Variants in FRMD6 observed in about 807,000 individuals in gnomAD.
FRMD6 encodes the protein FERM domain-containing protein 6.
In FRMD6, 37 loss-of-function variants were observed where a neutral mutation model predicts 73.2. That is an observed-to-expected ratio of 0.51 (90% CI 0.39 to 0.66). The LOEUF (loss-of-function observed/expected upper bound fraction) is 0.66, where lower values mean the gene tolerates loss of function less well. Ranked by LOEUF, FRMD6 falls within the 30% of genes least tolerant of loss-of-function variation. The probability of loss-of-function intolerance (pLI) is 0.00; values close to 1 mark genes in which losing one functional copy is unlikely to be tolerated. For missense variants in FRMD6, 714 were observed against 780.5 expected (o/e 0.91, Z 1.02); for synonymous variants, 273 against 282.2 (o/e 0.97, Z 0.33).
chr14:51,481,580 T>C, the FRMD6 span, among the ~76,000 whole-genome samples: 117 of 152,342 alleles, frequency 7.7e-4, 1 homozygote, highest in South Asian at 0.023. Context: ...TTTGCAAAAG[T>C]ATACGGTGTA....
chr14:51,507,154 C>T (rs1408394185), intron 1 of FRMD6, among the ~76,000 whole-genome samples: 1 of 148,464 alleles, frequency 6.7e-6, no homozygotes, highest in Admixed American at 6.8e-5. Flanking sequence ...AAGGCTATTT[C>T]CACTAGGAGA....
intron 1 of FRMD6, among the ~76,000 whole-genome samples, chr14:51,509,227 A>G (rs1230860077): frequency 6.6e-6 from 1 of 152,212 alleles, no homozygotes; most frequent in Non-Finnish European, 1.5e-5. Flanking sequence ...CAAATCCTAA[A>G]TGAAAACGAG....
At chr14:51,514,769 A>G (rs1423737264) in intron 1 of FRMD6, among the ~76,000 whole-genome samples, 1 of 152,088 alleles carries the variant, frequency 6.6e-6, no homozygotes, top group Non-Finnish European at 1.5e-5. Context: ...AATTGTTTGA[A>G]CCCAGCAGGT....
At chr14:51,576,310 A>G (rs1412276102) in intron 2 of FRMD6, 1 of 152,242 alleles carries the variant, frequency 6.6e-6, no homozygotes, top group Non-Finnish European at 1.5e-5. Context: ...AGGGAATTGA[A>G]GTGGAAAGCA....
chr14:51,412,784 G>A, the FRMD6 span, among the ~76,000 whole-genome samples: 1 of 151,784 alleles, frequency 6.6e-6, no homozygotes, highest in Non-Finnish European at 1.5e-5. Context: ...CCGGGGAGGC[G>A]CAGTTTGCAG....
intron 13 of FRMD6, among the ~76,000 whole-genome samples, chr14:51,726,815 G>A (rs1360721255): frequency 6.6e-6 from 1 of 152,082 alleles, no homozygotes; most frequent in Non-Finnish European, 1.5e-5. Flanking sequence ...GGGATCACTC[G>A]GATGTGACAC....
At chr14:51,719,606 T>G (rs2140613748) in intron 10 of FRMD6, among the ~76,000 whole-genome samples, 1 of 152,364 alleles carries the variant, frequency 6.6e-6, no homozygotes, top group East Asian at 1.9e-4. Flanking sequence ...CTTCTGAAAT[T>G]ATCTGCAGAA....
At chr14:51,660,613 G>GAAAAA (rs10605746) in intron 1 of FRMD6, among the ~76,000 whole-genome samples, 1 of 139,568 alleles carries the variant, frequency 7.2e-6, no homozygotes. Flanking sequence ...TAAAATAAAG[G>GAAAAA]AAAAAAAAAA....
chr14:51,623,416 T>C (rs1891003826), intron 2 of FRMD6, among the ~76,000 whole-genome samples: 2 of 152,220 alleles, frequency 1.3e-5, no homozygotes, highest in Non-Finnish European at 2.9e-5. Context: ...GATTAGATTA[T>C]GAAACCTAGA....
At chr14:51,665,166 A>G (rs1223643014) in intron 1 of FRMD6, among the ~76,000 whole-genome samples, 1 of 152,204 alleles carries the variant, frequency 6.6e-6, no homozygotes, top group East Asian at 1.9e-4. Flanking sequence ...CATTAAAAAA[A>G]TTGCATTTTA....
chr14:51,543,331 T>C (rs1886297869), intron 1 of FRMD6, among the ~76,000 whole-genome samples: 1 of 152,056 alleles, frequency 6.6e-6, no homozygotes, highest in South Asian at 2.1e-4. Flanking sequence ...AAAGATACTT[T>C]TTATTAGCAT....
intron 6 of FRMD6, among the ~76,000 whole-genome samples, chr14:51,705,815 A>ACTTTTG (rs1262543002): frequency 9.9e-5 from 15 of 152,152 alleles, no homozygotes; most frequent in Admixed American, 9.2e-4. Context: ...AATATGCACT[A>ACTTTTG]CTTTTGCTTT....
chr14:51,428,004 G>T, the FRMD6 span, among the ~76,000 whole-genome samples: 1 of 152,116 alleles, frequency 6.6e-6, no homozygotes. Context: ...ACTTTTTGTG[G>T]CACGGGAATC....
chr14:51,494,611 TC>T (rs1883191550), intron 1 of FRMD6, among the ~76,000 whole-genome samples: 2 of 152,330 alleles, frequency 1.3e-5, no homozygotes, highest in South Asian at 2.1e-4. Context: ...TGCTTGTGGT[TC>T]TTTGGGGCTG....
the FRMD6 span, among the ~76,000 whole-genome samples, chr14:51,401,802 A>G: frequency 6.6e-6 from 1 of 152,254 alleles, no homozygotes; most frequent in Non-Finnish European, 1.5e-5. Flanking sequence ...ATTTGGGAAG[A>G]ACAGGGGGTG....
At position 51,536,087 on chromosome 14, in the gene FRMD6, T is replaced by C. The variant is rs1250314708; in HGVS notation, c.-209-34261T>C. The stretch of plus-strand genomic sequence containing the variant: ...ATATTATATATATATTTTATATATA[T>C]ATATATATATAGAGAGAGAGAGAGA... On this transcript the variant is annotated intron_variant, in intron 1 of 14. Coordinates refer to the FRMD6 transcript ENST00000356218. 8.0e-5 allele frequency among the ~76,000 whole-genome samples: 11 copies of C among 137,522 alleles called. No individual in the cohort carries two copies. The South Asian group carries it at 1.2e-3, about 15-fold the overall frequency. The allele number at this position is 137,522 out of a possible 152,430, so 90.2% of individuals were successfully genotyped here.
rs1898103893 is a variant in FRMD6 at position 51,728,432 on chromosome 14, A to G, written c.*403A>G. Reference sequence around the variant, plus strand: ...CTTATAAATTTTTTACCACTCCCACATAAAATGCTCATAGTTTGGGAGAGG... The same window carrying G: ...CTTATAAATTTTTTACCACTCCCACGTAAAATGCTCATAGTTTGGGAGAGG... On this transcript the variant is annotated 3_prime_UTR_variant, in exon 14 of 14. Transcript: ENST00000344768. 1.1e-5 allele frequency: 2 copies of G among 178,120 alleles called. No homozygotes were observed. The allele number at this position is 178,120 out of a possible 1,614,324, so 11.0% of individuals were successfully genotyped here.
At chr14:51,553,544 T>A (rs2139453008) in intron 1 of FRMD6, among the ~76,000 whole-genome samples, 1 of 152,340 alleles carries the variant, frequency 6.6e-6, no homozygotes, top group South Asian at 2.1e-4. Context: ...GAGCTGAGTT[T>A]CTGGTTATTA....
At chr14:51,626,719 C>T (rs556437549) in intron 2 of FRMD6, among the ~76,000 whole-genome samples, 2 of 152,260 alleles carry the variant, frequency 1.3e-5, no homozygotes, top group Non-Finnish European at 2.9e-5. Context: ...AAGACCTGGG[C>T]TTGAATCCTG....
Sources: allele counts gnomAD v4.1 joint callset (sites outside exome capture counted in the v4.1 genomes callset), GRCh38; gene constraint gnomAD v4.1.1; transcripts MANE v1.5; gene names NCBI Gene and HGNC (gene_info 2026-07-23, HGNC 2026-07-21).